The following HTR1F variants were observed in gnomAD, a reference collection of about 807,000 sequenced individuals.
HTR1F encodes 5-hydroxytryptamine receptor 1F.
Under a neutral mutation model 24.0 loss-of-function variants are expected in HTR1F, and 17 were observed. The ratio of observed to expected loss-of-function variants is 0.71; its 90% CI spans 0.48 to 1.06. The LOEUF (loss-of-function observed/expected upper bound fraction) is 1.06. Among genes scored for constraint, HTR1F ranks in the 50% least tolerant of loss-of-function variants. The pLI, the probability that HTR1F is intolerant of heterozygous loss-of-function variation, is 0.00. For missense variants in HTR1F, 391 were observed against 427.8 expected (o/e 0.91, Z 0.76); for synonymous variants, 186 against 156.8 (o/e 1.19, Z -1.39).
At chr3:87,809,147 A>G (rs1399841345) in intron 1 of HTR1F, among the ~76,000 whole-genome samples, 1 of 151,768 alleles carries the variant, frequency 6.6e-6, no homozygotes, top group South Asian at 2.1e-4. Flanking sequence ...TGACTATTTA[A>G]AATAGTCAAT....
At chr3:87,915,117 C>T (rs1457376566) in intron 2 of HTR1F, among the ~76,000 whole-genome samples, 2 of 152,096 alleles carry the variant, frequency 1.3e-5, no homozygotes, top group African/African-American at 2.4e-5. Context: ...CACTGCAGCT[C>T]GTCTGTCAGG....
At chr3:87,956,817 G>T (rs549590695) in intron 2 of HTR1F, among the ~76,000 whole-genome samples, 4 of 151,254 alleles carry the variant, frequency 2.6e-5, no homozygotes, top group South Asian at 2.1e-4. Context: ...TTTTATTAAC[G>T]TTGTATCCTG....
intron 1 of HTR1F, among the ~76,000 whole-genome samples, chr3:87,799,040 T>G (rs561734287): frequency 3.9e-5 from 6 of 152,122 alleles, no homozygotes; most frequent in Non-Finnish European, 8.8e-5. Flanking sequence ...AAACAAACTA[T>G]GTCATTTCTC....
chr3:87,818,708 A>G (rs1704296636), intron 1 of HTR1F, among the ~76,000 whole-genome samples: 1 of 152,206 alleles, frequency 6.6e-6, no homozygotes, highest in Non-Finnish European at 1.5e-5. Context: ...TATCAAGTCT[A>G]GAGGCCAAAC....
At chr3:87,842,963 C>A (rs1185449956) in intron 2 of HTR1F, among the ~76,000 whole-genome samples, 1 of 151,860 alleles carries the variant, frequency 6.6e-6, no homozygotes, top group Non-Finnish European at 1.5e-5. Flanking sequence ...GTAGATAGGT[C>A]TCGGTAAAGG....
chr3:87,851,778 T>A (rs1406485334), intron 2 of HTR1F, among the ~76,000 whole-genome samples: 2 of 151,640 alleles, frequency 1.3e-5, no homozygotes, highest in African/African-American at 4.9e-5. Context: ...ACCATATGTA[T>A]TTTTTGAAAT....
rs1397946805 is a variant in HTR1F at position 87,992,132 on chromosome 3, C to G, written c.*282C>G. ...TAACTGGAAAAAATATATATATATA[C>G]AATAGTAATGACAGTGATTTTCCAT... is the stretch of plus-strand genomic sequence containing the variant. On this transcript the variant is annotated 3_prime_UTR_variant, in exon 3 of 3. Transcript: ENST00000319595. 5.0e-6 allele frequency: 1 copy of G among 198,188 alleles called. No homozygotes were observed. Among genetic ancestry groups the G allele is most frequent in the Non-Finnish European group, 1.1e-5 (1 of 89,274 alleles). The allele number at this position is 198,188 out of a possible 1,614,324, so 12.3% of individuals were successfully genotyped here.
chr3:87,895,235 G>T (rs1238348091), intron 2 of HTR1F, among the ~76,000 whole-genome samples: 2 of 152,032 alleles, frequency 1.3e-5, no homozygotes, highest in Non-Finnish European at 2.9e-5. Flanking sequence ...AAAACTAGAT[G>T]AAATAATATG....
At chr3:87,933,057 A>G (rs1179217589) in intron 2 of HTR1F, among the ~76,000 whole-genome samples, 1 of 150,182 alleles carries the variant, frequency 6.7e-6, no homozygotes, top group African/African-American at 2.5e-5. Flanking sequence ...ATATATGCAA[A>G]TCAATAAATG....
At chr3:87,958,804 A>C (rs2107474791) in intron 2 of HTR1F, among the ~76,000 whole-genome samples, 1 of 151,514 alleles carries the variant, frequency 6.6e-6, no homozygotes, top group Non-Finnish European at 1.5e-5. Flanking sequence ...TATCTCCTTC[A>C]CAATTAGAGG....
chr3:87,875,299 A>C (rs1705645151), intron 2 of HTR1F, among the ~76,000 whole-genome samples: 1 of 151,832 alleles, frequency 6.6e-6, no homozygotes, highest in South Asian at 2.1e-4. Context: ...AAAATACAAA[A>C]ACTAGCCAGG....
chr3:87,893,881 G>A (rs1368921979), intron 2 of HTR1F, among the ~76,000 whole-genome samples: 1 of 152,142 alleles, frequency 6.6e-6, no homozygotes, highest in Non-Finnish European at 1.5e-5. Context: ...TTGGCCACTT[G>A]TCCATACACA....
At chr3:87,807,826 T>C (rs73143307) in intron 1 of HTR1F, among the ~76,000 whole-genome samples, 2 of 152,090 alleles carry the variant, frequency 1.3e-5, no homozygotes, top group Non-Finnish European at 2.9e-5. Flanking sequence ...ATTTTTACCA[T>C]GAAAGGATGA....
intron 1 of HTR1F, among the ~76,000 whole-genome samples, chr3:87,814,272 T>C (rs978455062): frequency 3.3e-5 from 5 of 152,318 alleles, no homozygotes; most frequent in African/African-American, 1.2e-4. Context: ...TTATTTATTT[T>C]TAATGGACAA....
At chr3:87,889,077 A>G (rs1417734816) in intron 2 of HTR1F, among the ~76,000 whole-genome samples, 1 of 152,082 alleles carries the variant, frequency 6.6e-6, no homozygotes, top group African/African-American at 2.4e-5. Flanking sequence ...GCTGGTTGTT[A>G]TAAAGAGCCT....
intron 2 of HTR1F, among the ~76,000 whole-genome samples, chr3:87,972,856 G>T (rs1224076631): frequency 1.9e-5 from 2 of 103,570 alleles, no homozygotes; most frequent in African/African-American, 6.2e-5. Flanking sequence ...GAGTCTCATT[G>T]TCTCACATCT....
At chr3:87,809,979 A>G (rs777847295) in intron 1 of HTR1F, among the ~76,000 whole-genome samples, 7 of 152,018 alleles carry the variant, frequency 4.6e-5, no homozygotes, top group Non-Finnish European at 8.8e-5. Flanking sequence ...TCCTTTCAGT[A>G]GATGAACTCA....
chr3:87,862,392 G>T (rs1373947424), intron 2 of HTR1F, among the ~76,000 whole-genome samples: 1 of 152,194 alleles, frequency 6.6e-6, no homozygotes, highest in Admixed American at 6.5e-5. Flanking sequence ...GAACCCTCAT[G>T]AACAATCCTT....
intron 2 of HTR1F, among the ~76,000 whole-genome samples, chr3:87,982,548 A>C (rs6770013): frequency 0.59 from 89,987 of 151,998 alleles, 26,914 homozygotes; most frequent in South Asian, 0.73. Flanking sequence ...TAAGAAGGCT[A>C]CTTAGCTATA....
Sources: gnomAD v4.1 joint callset for allele counts (sites outside exome capture counted in the v4.1 genomes callset) on GRCh38, gnomAD v4.1.1 for gene constraint, MANE v1.5 for transcripts, NCBI Gene and HGNC (gene_info 2026-07-23, HGNC 2026-07-21) for gene names.